Variants in SPATA6L observed in about 807,000 individuals in gnomAD.
SPATA6L encodes spermatogenesis associated 6-like protein.
A neutral mutation model predicts 49.2 loss-of-function variants in SPATA6L; 68 were observed. The ratio of observed to expected loss-of-function variants is 1.38; its 90% CI spans 1.14 to 1.69. The LOEUF (loss-of-function observed/expected upper bound fraction) is 1.69. Among genes scored for constraint, SPATA6L ranks in the 40% most tolerant of loss-of-function variants. SPATA6L has a pLI of 0.00. For synonymous variants in SPATA6L, 198 were observed against 165.7 expected (o/e 1.19, Z -1.50); for missense variants, 668 against 464.3 (o/e 1.44, Z -4.03).
chr9:4,623,848 TA>T (rs1829847025), intron 6 of SPATA6L, among the ~76,000 whole-genome samples: 1 of 152,228 alleles, frequency 6.6e-6, no homozygotes, highest in Non-Finnish European at 1.5e-5. Context: ...TGAAATGAAA[TA>T]AATGAAGTCA....
rs73395710 is a variant in SPATA6L, at chr9:4,653,660, C to T, written c.226+2381G>A. Among the ~76,000 whole-genome samples the T allele has an allele frequency of 8.0e-3, 1,215 of 152,220 alleles. 8 individuals carry two copies. Among genetic ancestry groups the T allele is most frequent in the African/African-American group, 0.027 (1,131 of 41,538 alleles). ...AAGAACATTTACAGGCCAGGCACAG[C>T]GGCTCATGTCTGTAACCCCAACACT... On this transcript the variant is annotated intron_variant, in intron 3 of 11. Coordinates refer to ENST00000682582, the MANE Select transcript of SPATA6L (RefSeq NM_001353486.2).
At chr9:4,646,590 T>C in intron 3 of SPATA6L, 3 of 1,037,092 alleles carry the variant, frequency 2.9e-6, no homozygotes, top group Non-Finnish European at 2.7e-6. Context: ...TCAATAATTA[T>C]TAAGTTTTAA....
chr9:4,663,326 TA>T, intron 1 of SPATA6L: 1 of 1,520,490 alleles, frequency 6.6e-7, no homozygotes, highest in African/African-American at 1.4e-5. Context: ...GATGTCAACC[TA>T]AACCAGCAGC....
chr9:4,607,285 T>C (rs1289891282), intron 9 of SPATA6L, among the ~76,000 whole-genome samples: 1 of 151,902 alleles, frequency 6.6e-6, no homozygotes. Flanking sequence ...ATTCAGGAAA[T>C]ACAGAGAATG....
downstream of SPATA6L, among the ~76,000 whole-genome samples, chr9:4,597,021 T>C (rs1391732019): frequency 6.6e-6 from 1 of 152,230 alleles, no homozygotes; most frequent in Non-Finnish European, 1.5e-5. Flanking sequence ...GTACTTTAAA[T>C]GTATTATCTA....
intron 2 of SPATA6L, among the ~76,000 whole-genome samples, chr9:4,657,937 C>T (rs911867286): frequency 6.6e-6 from 1 of 152,166 alleles, no homozygotes; most frequent in Non-Finnish European, 1.5e-5. Context: ...CCGCCCCAGC[C>T]TAATGACTTC....
At chr9:4,650,762 C>A (rs1200229985) in intron 3 of SPATA6L, among the ~76,000 whole-genome samples, 1 of 151,898 alleles carries the variant, frequency 6.6e-6, no homozygotes, top group African/African-American at 2.4e-5. Flanking sequence ...CAGGCTCAAG[C>A]AATTCTTCCA....
At chr9:4,593,430 C>T (rs2129949677), downstream of SPATA6L, among the ~76,000 whole-genome samples, 1 of 152,282 alleles carries the variant, frequency 6.6e-6, no homozygotes, top group East Asian at 1.9e-4. Context: ...AAATCTTTCA[C>T]TCAAACCCCA....
intron 11 of SPATA6L, 53 bp downstream of exon 11, chr9:4,604,126 G>A: frequency 8.0e-7 from 1 of 1,246,380 alleles, no homozygotes; most frequent in Non-Finnish European, 1.1e-6. Context: ...AATTCTTTTA[G>A]CAAACCAAGA....
rs139877310 is a variant in SPATA6L at position 4,598,821 on chromosome 9, T to C, written c.*1990A>G. On this transcript the variant is annotated 3_prime_UTR_variant, in exon 12 of 12. Transcript: ENST00000682582. ...TTAGAGGTAACATCAAAACAACAAATTGACAACCATAGTTTCAGAGAGACT... is the reference window on the plus strand; with the variant it reads ...TTAGAGGTAACATCAAAACAACAAACTGACAACCATAGTTTCAGAGAGACT... 2.0e-5 allele frequency among the ~76,000 whole-genome samples: 3 copies of C among 152,318 alleles called. No individual in the cohort carries two copies. In the East Asian group the frequency reaches 5.8e-4, roughly 29 times the overall value.
chr9:4,610,477 C>T (rs1173392538), intron 9 of SPATA6L, among the ~76,000 whole-genome samples: 2 of 136,262 alleles, frequency 1.5e-5, no homozygotes, highest in East Asian at 2.1e-4. Flanking sequence ...GAACAGAGCC[C>T]TCAGAAATAA....
rs1370007392 is a variant in SPATA6L, at chr9:4,600,207, G to C, written c.*604C>G. On this transcript the variant is annotated 3_prime_UTR_variant, in exon 12 of 12. Transcript: ENST00000682582. The stretch of plus-strand genomic sequence containing the variant: ...GCAGTTTAAACTACGCTCCAGAGGA[G>C]CCAGCCTCCTCTTACAAATTTATCA... Among the ~76,000 whole-genome samples the C allele has an allele frequency of 6.6e-6, 1 of 152,168 alleles. No individual in the cohort carries two copies. Among genetic ancestry groups the C allele is most frequent in the Non-Finnish European group, 1.5e-5 (1 of 68,038 alleles).
chr9:4,619,155 CTTT>C (rs57028759), intron 7 of SPATA6L, among the ~76,000 whole-genome samples: 1 of 118,170 alleles, frequency 8.5e-6, no homozygotes, highest in African/African-American at 3.4e-5. Context: ...CAGGTTTTCT[CTTT>C]TTTTTTTTTT....
At position 4,606,285 on chromosome 9, in the gene SPATA6L, T is replaced by G. The variant is rs186707871; in HGVS notation, c.996-845A>C. ...AAAGCAGCCGGAAGCTCCAACTGGG[T>G]GGAGCCCACCACAGCTCAAGGAGGC... On this transcript the variant is annotated intron_variant, in intron 9 of 11. Transcript: ENST00000682582. 3.5e-5 allele frequency among the ~76,000 whole-genome samples: 5 copies of G among 143,164 alleles called. No individual in the cohort carries two copies. The East Asian group carries it at 7.2e-4, about 21-fold the overall frequency. 93.9% of individuals were successfully genotyped at this position (143,164 alleles called of 152,430 possible).
At chr9:4,632,732 C>T (rs1315340843) in intron 4 of SPATA6L, among the ~76,000 whole-genome samples, 1 of 152,112 alleles carries the variant, frequency 6.6e-6, no homozygotes, top group Non-Finnish European at 1.5e-5. Flanking sequence ...GCAAACTCAA[C>T]ATATGTGATG....
intron 9 of SPATA6L, among the ~76,000 whole-genome samples, chr9:4,607,607 C>A (rs1356456144): frequency 1.3e-5 from 2 of 152,022 alleles, no homozygotes; most frequent in African/African-American, 4.8e-5. Flanking sequence ...GAGATTTTGT[C>A]ACCACCAGGC....
intron 11 of SPATA6L, among the ~76,000 whole-genome samples, chr9:4,602,355 C>T (rs1384679210): frequency 6.6e-6 from 1 of 152,028 alleles, no homozygotes; most frequent in African/African-American, 2.4e-5. Context: ...GCCCAGAATC[C>T]GTCCTTTAAT....
chr9:4,609,843 A>C (rs923222327), intron 9 of SPATA6L, among the ~76,000 whole-genome samples: 3 of 136,106 alleles, frequency 2.2e-5, no homozygotes, highest in African/African-American at 8.9e-5. Flanking sequence ...TTGGGAAAAG[A>C]AGAAGTCAAA....
chr9:4,636,974 G>A (rs1247227460), intron 3 of SPATA6L, among the ~76,000 whole-genome samples: 2 of 152,012 alleles, frequency 1.3e-5, no homozygotes, highest in East Asian at 3.9e-4. Flanking sequence ...CAAATCCATT[G>A]TCCGCACGCT....
Sources: allele counts gnomAD v4.1 joint callset (sites outside exome capture counted in the v4.1 genomes callset), GRCh38; gene constraint gnomAD v4.1.1; transcripts MANE v1.5; gene names NCBI Gene and HGNC (gene_info 2026-07-23, HGNC 2026-07-21).